Variants in ZNF793 observed in about 807,000 individuals in gnomAD.
ZNF793 encodes zinc finger protein 793.
ZNF793 carries 5 observed loss-of-function variants against 12.4 expected under a neutral mutation model. That is an observed-to-expected ratio of 0.40 (90% confidence interval 0.21 to 0.84). The LOEUF (loss-of-function observed/expected upper bound fraction) is 0.84, where lower values mean the gene tolerates loss of function less well. ZNF793 is among the 40% of genes least tolerant of loss of function. The probability of loss-of-function intolerance (pLI) is 0.35; values close to 1 mark genes in which losing one functional copy is unlikely to be tolerated. For missense variants in ZNF793, 456 were observed against 495.0 expected (o/e 0.92, Z 0.75); for synonymous variants, 162 against 172.4 (o/e 0.94, Z 0.47).
intron 2 of ZNF793, among the ~76,000 whole-genome samples, chr19:37,517,867 A>G (rs1462428492): frequency 6.6e-6 from 1 of 151,420 alleles, no homozygotes; most frequent in Non-Finnish European, 1.5e-5. Flanking sequence ...TGTTATTGTT[A>G]TTATTGCTGT....
chr19:37,524,751 CT>C (rs1440606174), intron 5 of ZNF793, among the ~76,000 whole-genome samples: 5 of 152,206 alleles, frequency 3.3e-5, no homozygotes, highest in African/African-American at 4.8e-5. Flanking sequence ...GGCTCCGCCC[CT>C]GGCCTGCTTC....
chr19:37,532,291 A>C (rs2042467805), intron 5 of ZNF793, 65 bp from the exon 6 acceptor site: 5 of 1,551,562 alleles, frequency 3.2e-6, no homozygotes, highest in Non-Finnish European at 4.4e-6. Flanking sequence ...GGCATGAGCC[A>C]CCATGCCTGG....
intron 2 of ZNF793, among the ~76,000 whole-genome samples, chr19:37,517,818 C>T (rs2042344594): frequency 6.6e-6 from 1 of 151,728 alleles, no homozygotes; most frequent in Non-Finnish European, 1.5e-5. Flanking sequence ...TTTGTTCTTC[C>T]TGTGTGTGCT....
In ZNF793 at chr19:37,541,508, A is replaced by G. The variant is rs12608477; in HGVS notation, c.*3629A>G. The G allele has an allele frequency of 0.85, 129,245 of 152,134 alleles. 55,278 individuals are homozygous for G. Among genetic ancestry groups the G allele is most frequent in the African/African-American group, 0.95 (39,296 of 41,488 alleles). 9.4% of individuals were successfully genotyped at this position (152,134 alleles called of 1,614,324 possible). A position where few individuals can be genotyped will look rare whatever the true frequency, so the allele number is the denominator to read the frequency against. On this transcript the variant is annotated 3_prime_UTR_variant, in exon 8 of 8. Coordinates refer to ENST00000627814, the MANE Select transcript of ZNF793 (RefSeq NM_001013659.3). ...AGTCTGGTCAACATGGTGAAACCCC[A>G]TCTCCACTAAAAATACAAAAATTAG...
chr19:37,529,513 GAC>G (rs2042441030), intron 5 of ZNF793, among the ~76,000 whole-genome samples: 3 of 151,968 alleles, frequency 2.0e-5, no homozygotes, highest in Admixed American at 2.0e-4. Flanking sequence ...TTTAGTCTGA[GAC>G]AGAGTCTCAT....
At chr19:37,507,721 C>A (rs1445902936) in intron 1 of ZNF793, among the ~76,000 whole-genome samples, 2 of 152,084 alleles carry the variant, frequency 1.3e-5, no homozygotes, top group African/African-American at 4.8e-5. Context: ...AACAATTGAT[C>A]CTCAGTCGTT....
intron 5 of ZNF793, among the ~76,000 whole-genome samples, chr19:37,530,141 A>C (rs1370308419): frequency 6.6e-6 from 1 of 152,002 alleles, no homozygotes; most frequent in Non-Finnish European, 1.5e-5. Flanking sequence ...AAACATCTCA[A>C]TGCCTTACAG....
At chr19:37,520,051 G>A (rs951022429) in intron 2 of ZNF793, 133 bp from the exon 3 acceptor site, 2 of 152,286 alleles carry the variant, frequency 1.3e-5, no homozygotes, top group African/African-American at 2.4e-5. Flanking sequence ...AGTTCCCCCT[G>A]TCCCAGTCCC....
chr19:37,539,763 A>G lies in ZNF793; in HGVS notation c.*1884A>G, dbSNP rs1412730354. The G allele has an allele frequency of 6.6e-6, 1 of 152,180 alleles. No homozygotes were observed. 9.4% of individuals were successfully genotyped at this position (152,180 alleles called of 1,614,324 possible). A position where few individuals can be genotyped will look rare whatever the true frequency, so the allele number is the denominator to read the frequency against. ...TGAAAACTGCAATAAGAAGTAGAAA[A>G]CTTGGTAGGATAGTTAACATTGAAA... On this transcript the variant is annotated 3_prime_UTR_variant, in exon 8 of 8. Coordinates refer to ENST00000627814, the MANE Select transcript of ZNF793 (RefSeq NM_001013659.3).
chr19:37,542,180 G>C lies in ZNF793; in HGVS notation c.*4301G>C, dbSNP rs1031086120. On this transcript the variant is annotated 3_prime_UTR_variant, in exon 8 of 8. Coordinates refer to ENST00000627814, the MANE Select transcript of ZNF793 (RefSeq NM_001013659.3). The stretch of plus-strand genomic sequence containing the variant: ...GGCCGAGGCAGGCAAATTGTCTGAG[G>C]TCGGGAGTTCGAGAACAGCCTGGCC... 6.2e-6 allele frequency: 1 copy of C among 161,102 alleles called. No individual in the cohort carries two copies. The highest frequency in any genetic ancestry group is 2.4e-5 in the African/African-American group (1 of 41,664). 10.0% of individuals were successfully genotyped at this position (161,102 alleles called of 1,614,324 possible). A position where few individuals can be genotyped will look rare whatever the true frequency, so the allele number is the denominator to read the frequency against.
At chr19:37,510,798 A>C (rs566113241) in intron 2 of ZNF793, among the ~76,000 whole-genome samples, 1 of 151,024 alleles carries the variant, frequency 6.6e-6, no homozygotes, top group East Asian at 2.0e-4. Flanking sequence ...CCAGGTTCAC[A>C]CCAGTCTCCT....
upstream of ZNF793, chr19:37,506,869 C>A (rs550501923): frequency 6.6e-6 from 1 of 152,274 alleles, no homozygotes; most frequent in African/African-American, 2.4e-5. Context: ...AACCCAGAAT[C>A]CTGTTCACTG....
At position 37,543,185 on chromosome 19, in the gene ZNF793, A is replaced by G. The variant is rs776931413; in HGVS notation, c.*5306A>G. On this transcript the variant is annotated 3_prime_UTR_variant, in exon 8 of 8. Transcript: ENST00000627814. ...TTTATATGAACATAGAAAAGTGTAG[A>G]AGAATACACACGAAGGTGTTAACAT... is the stretch of plus-strand genomic sequence containing the variant. 1 of 152,382 alleles carries G rather than the reference A, an allele frequency of 6.6e-6. No homozygotes were observed. The highest frequency in any genetic ancestry group is 3.4e-3 in the Middle Eastern group (1 of 294). 9.4% of individuals were successfully genotyped at this position (152,382 alleles called of 1,614,324 possible).
intron 5 of ZNF793, among the ~76,000 whole-genome samples, chr19:37,524,999 C>T (rs754984987): frequency 3.9e-5 from 6 of 152,282 alleles, no homozygotes; most frequent in African/African-American, 9.6e-5. Context: ...CCCAATGATA[C>T]GACAATGTTT....
chr19:37,533,197 G>A (rs2042475863), intron 6 of ZNF793, 111 bp from the exon 7 acceptor site: 1 of 844,504 alleles, frequency 1.2e-6, no homozygotes, highest in Non-Finnish European at 1.9e-6. Context: ...CAAGGTGTGT[G>A]TTTAGTCCCC....
At chr19:37,515,587 C>T (rs1211266726) in intron 2 of ZNF793, among the ~76,000 whole-genome samples, 2 of 152,108 alleles carry the variant, frequency 1.3e-5, no homozygotes, top group East Asian at 3.9e-4. Flanking sequence ...GGATTACAGG[C>T]GTGAGCCACC....
At chr19:37,517,227 T>G (rs1421941940) in intron 2 of ZNF793, among the ~76,000 whole-genome samples, 3 of 152,140 alleles carry the variant, frequency 2.0e-5, no homozygotes, top group East Asian at 3.9e-4. Context: ...AAGCAAATAT[T>G]CATCATAGTT....
At chr19:37,536,448 T>C in intron 7 of ZNF793, 1 of 404,632 alleles carries the variant, frequency 2.5e-6, no homozygotes, top group African/African-American at 2.1e-5. Flanking sequence ...CATTTAACCT[T>C]CTTTCTTCTG....
chr19:37,508,116 C>G (rs1034720942), intron 1 of ZNF793, 149 bp from the exon 2 acceptor site: 2 of 152,130 alleles, frequency 1.3e-5, no homozygotes, highest in Non-Finnish European at 2.9e-5. Flanking sequence ...CTTTTTTGAA[C>G]CCACACCCTT....
Sources: gnomAD v4.1 joint callset for allele counts (sites outside exome capture counted in the v4.1 genomes callset) on GRCh38, gnomAD v4.1.1 for gene constraint, MANE v1.5 for transcripts, NCBI Gene and HGNC (gene_info 2026-07-23, HGNC 2026-07-21) for gene names.